The following BRD3OS variants were observed in gnomAD, a reference collection of about 807,000 sequenced individuals.
BRD3OS encodes the protein BRD3 opposite strand.
chr9:134,029,230 C>A lies in BRD3OS; in HGVS notation c.*2228C>A, dbSNP rs1263292521. On this transcript the variant is annotated 3_prime_UTR_variant, in exon 3 of 3. Coordinates refer to ENST00000603928, the MANE Select transcript of BRD3OS (RefSeq NM_001355256.2). ...TGCCACCTTCTCACCGCACCACAGA[C>A]TCCCCTGAGGACGGGTTGTGGCGGG... The A allele has an allele frequency of 6.6e-6, 1 of 152,324 alleles. No homozygotes were observed. The highest frequency in any genetic ancestry group is 1.5e-5 in the Non-Finnish European group (1 of 68,086). 9.4% of individuals were successfully genotyped at this position (152,324 alleles called of 1,614,324 possible).
At position 134,026,738 on chromosome 9, in the gene BRD3OS, G is replaced by A. The variant is rs762270722; in HGVS notation, c.-10G>A. 1.8e-5 allele frequency: 7 copies of A among 398,660 alleles called. No individual in the cohort carries two copies. The highest frequency in any genetic ancestry group is 3.1e-5 in the Non-Finnish European group (7 of 226,084). The allele number at this position is 398,660 out of a possible 1,614,324, so 24.7% of individuals were successfully genotyped here. On this transcript the variant is annotated 5_prime_UTR_variant, in exon 3 of 3. Coordinates refer to ENST00000603928, the MANE Select transcript of BRD3OS (RefSeq NM_001355256.2). The surrounding 1 kb of genome is among the most constrained non-coding windows in gnomAD (Gnocchi z 4.4). ...AGGGTTCCCAGGAGTCCAGCGGGAC[G>A]GGGGAGGGGATGAGTGGCCGTGTCC...
chr9:134,031,362 G>A lies in BRD3OS; in HGVS notation c.*4360G>A, dbSNP rs1374902239. The A allele has an allele frequency of 1.9e-5, 4 of 208,384 alleles. 1 individual carries two copies. The South Asian group carries it at 7.6e-4, about 39-fold the overall frequency. The allele number at this position is 208,384 out of a possible 1,614,324, so 12.9% of individuals were successfully genotyped here. On this transcript the variant is annotated 3_prime_UTR_variant, in exon 3 of 3. Transcript: ENST00000603928. ...CAGCCCCAGGCACCCCCGGCTTAGG[G>A]TGTACGTATCACCCAGCCCTGTGCT...
chr9:134,025,694 C>A lies in BRD3OS; in HGVS notation c.-786-151C>A, dbSNP rs952826471. 3.3e-5 allele frequency among the ~76,000 whole-genome samples: 5 copies of A among 152,122 alleles called. No homozygotes were observed. In the East Asian group the frequency reaches 9.6e-4, roughly 29 times the overall value. ...AGGGTGCGCGCAGGTGGCGGGGACGCGCGATGGGGGCCCGGGAAGCTGAGG... is the reference window on the plus strand; with the variant it reads ...AGGGTGCGCGCAGGTGGCGGGGACGAGCGATGGGGGCCCGGGAAGCTGAGG... On this transcript the variant is annotated intron_variant, in intron 1 of 2. Transcript: ENST00000603928.
At position 134,031,541 on chromosome 9, in the gene BRD3OS, ATATTTT is replaced by A. The variant is rs1843512473; in HGVS notation, c.*4544_*4549del. The A allele has an allele frequency of 4.9e-6, 1 of 202,392 alleles. No individual in the cohort carries two copies. The highest frequency in any genetic ancestry group is 1.0e-5 in the Non-Finnish European group (1 of 98,654). The allele number at this position is 202,392 out of a possible 1,614,324, so 12.5% of individuals were successfully genotyped here. The stretch of plus-strand genomic sequence containing the variant: ...AAAATGGAAACTTTCAAATCCATTT[ATATTTT>A]TATTATAAACAAAACTTAATTAAAA... On this transcript the variant is annotated 3_prime_UTR_variant, in exon 3 of 3. Transcript: ENST00000603928.
Position 134,031,118 on chromosome 9 carries a change from G to A in BRD3OS, c.*4116G>A, listed in dbSNP as rs540498332. On this transcript the variant is annotated 3_prime_UTR_variant, in exon 3 of 3. Transcript: ENST00000603928. ...AAAAAGTGACAGCACCAATGCAGCT[G>A]CTCAGTGTACCCGCCGTGGGCTGTC... 3.6e-4 allele frequency: 83 copies of A among 228,948 alleles called. No individual in the cohort carries two copies. Among genetic ancestry groups the A allele is most frequent in the African/African-American group, 1.7e-3 (76 of 45,188 alleles). 14.2% of individuals were successfully genotyped at this position (228,948 alleles called of 1,614,324 possible).
In BRD3OS at chr9:134,031,284, C is replaced by T. The variant is rs767637192; in HGVS notation, c.*4282C>T. 1.9e-5 allele frequency: 4 copies of T among 209,410 alleles called. No homozygotes were observed. In the East Asian group the frequency reaches 2.8e-4, roughly 15 times the overall value. 13.0% of individuals were successfully genotyped at this position (209,410 alleles called of 1,614,324 possible). On this transcript the variant is annotated 3_prime_UTR_variant, in exon 3 of 3. Transcript: ENST00000603928. ...CCGGCCGCTCCCCCGACGGCTCACA[C>T]AGGCAGCACCTCACTGCCCTGTGGC...
rs1404673384 is a variant in BRD3OS at position 134,030,751 on chromosome 9, A to C, written c.*3749A>C. 2 of 232,024 alleles carry C rather than the reference A, an allele frequency of 8.6e-6. No homozygotes were observed. Among genetic ancestry groups the C allele is most frequent in the Non-Finnish European group, 1.7e-5 (2 of 117,368 alleles). The allele number at this position is 232,024 out of a possible 1,614,324, so 14.4% of individuals were successfully genotyped here. ...AAACACACAAAAAAATGTGTCTTAC[A>C]GTTTGTAAGCAAGATGACACTGCCC... is the stretch of plus-strand genomic sequence containing the variant. On this transcript the variant is annotated 3_prime_UTR_variant, in exon 3 of 3. Transcript: ENST00000603928.
rs1843499033 is a variant in BRD3OS at position 134,030,698 on chromosome 9, AG to A, written c.*3697del. ...TTCCCAAAAGACTGTCAGAGGCGTG[AG>A]TGCTGCAAAAGAACAACAACAAAAA... On this transcript the variant is annotated 3_prime_UTR_variant, in exon 3 of 3. Transcript: ENST00000603928. 1 of 231,202 alleles carries A rather than the reference AG, an allele frequency of 4.3e-6. No individual in the cohort carries two copies. Among genetic ancestry groups the A allele is most frequent in the Non-Finnish European group, 8.6e-6 (1 of 116,724 alleles). 14.3% of individuals were successfully genotyped at this position (231,202 alleles called of 1,614,324 possible).
chr9:134,030,598 C>T lies in BRD3OS; in HGVS notation c.*3596C>T, dbSNP rs995989498. On this transcript the variant is annotated 3_prime_UTR_variant, in exon 3 of 3. Coordinates refer to ENST00000603928, the MANE Select transcript of BRD3OS (RefSeq NM_001355256.2). ...TTTTAAATATAAAAAAGAAAAACTT[C>T]CTGGAAGCATTATGCCAGTATTAAG... 14 of 224,040 alleles carry T rather than the reference C, an allele frequency of 6.2e-5. No individual in the cohort carries two copies. Among genetic ancestry groups the T allele is most frequent in the Non-Finnish European group, 1.1e-4 (12 of 112,442 alleles). 13.9% of individuals were successfully genotyped at this position (224,040 alleles called of 1,614,324 possible).
rs2132359480 is a variant in BRD3OS at position 134,028,387 on chromosome 9, C to G, written c.*1385C>G. Reference sequence around the variant, plus strand: ...CTCAACTGTACAGACTGGGCATTCACTTAATGCTTTTCTTTTTTTTTAAGA... The same window carrying G: ...CTCAACTGTACAGACTGGGCATTCAGTTAATGCTTTTCTTTTTTTTTAAGA... On this transcript the variant is annotated 3_prime_UTR_variant, in exon 3 of 3. Transcript: ENST00000603928. 1 of 152,328 alleles carries G rather than the reference C, an allele frequency of 6.6e-6. No homozygotes were observed. Among genetic ancestry groups the G allele is most frequent in the Non-Finnish European group, 1.5e-5 (1 of 68,068 alleles). The allele number at this position is 152,328 out of a possible 1,614,324, so 9.4% of individuals were successfully genotyped here. A position where few individuals can be genotyped will look rare whatever the true frequency, so the allele number is the denominator to read the frequency against.
At position 134,025,499 on chromosome 9, in the gene BRD3OS, C is replaced by G. The variant is rs1285310352; in HGVS notation, c.-824C>G. On this transcript the variant is annotated 5_prime_UTR_variant, in exon 1 of 3. Coordinates refer to ENST00000603928, the MANE Select transcript of BRD3OS (RefSeq NM_001355256.2). ...CCGCCCTGGGAGCCCCGCAGTGCGT[C>G]GCGCCGCTGCCCGCATCTCCGAGGC... The G allele has an allele frequency of 6.6e-6, 1 of 151,216 alleles. No individual in the cohort carries two copies. The highest frequency in any genetic ancestry group is 1.5e-5 in the Non-Finnish European group (1 of 67,994). 9.4% of individuals were successfully genotyped at this position (151,216 alleles called of 1,614,324 possible). A position where few individuals can be genotyped will look rare whatever the true frequency, so the allele number is the denominator to read the frequency against.
rs771521913 is a variant in BRD3OS, at chr9:134,028,406, T to C, written c.*1404T>C. 1 of 152,242 alleles carries C rather than the reference T, an allele frequency of 6.6e-6. No homozygotes were observed. The highest frequency in any genetic ancestry group is 1.5e-5 in the Non-Finnish European group (1 of 68,066). 9.4% of individuals were successfully genotyped at this position (152,242 alleles called of 1,614,324 possible). ...CATTCACTTAATGCTTTTCTTTTTT[T>C]TTAAGAGAGTCTCACTCTGTTGCCC... On this transcript the variant is annotated 3_prime_UTR_variant, in exon 3 of 3. Transcript: ENST00000603928.
chr9:134,025,754 C>T (rs378740), intron 1 of BRD3OS, 91 bp from the exon 2 acceptor site: 1 of 152,108 alleles, frequency 6.6e-6, no homozygotes, highest in Non-Finnish European at 1.5e-5. Flanking sequence ...AGGGGAGGTC[C>T]CTGACGCTGC....
chr9:134,030,299 A>AG lies in BRD3OS; in HGVS notation c.*3297_*3298insG, dbSNP rs1554826618. On this transcript the variant is annotated 3_prime_UTR_variant, in exon 3 of 3. Transcript: ENST00000603928. ...GCACAGGAAAATGCAAAAAAAAAAA[A>AG]CAGTCTTTTTTTTTTTTTTTTTTTT... The AG allele has an allele frequency of 2.9e-5, 4 of 138,874 alleles. No homozygotes were observed. The highest frequency in any genetic ancestry group is 5.9e-5 in the Non-Finnish European group (4 of 68,060). The allele number at this position is 138,874 out of a possible 1,614,324, so 8.6% of individuals were successfully genotyped here.
Position 134,030,677 on chromosome 9 carries a change from C to CA in BRD3OS, c.*3679dup. On this transcript the variant is annotated 3_prime_UTR_variant, in exon 3 of 3. Transcript: ENST00000603928. ...TCTGTATGTGGGTGTTACTCTTTCC[C>CA]AAAAGACTGTCAGAGGCGTGAGTGC... The CA allele has an allele frequency of 4.3e-6, 1 of 230,104 alleles. No homozygotes were observed. The highest frequency in any genetic ancestry group is 8.6e-6 in the Non-Finnish European group (1 of 116,078). 14.3% of individuals were successfully genotyped at this position (230,104 alleles called of 1,614,324 possible).
rs1488131461 is a variant in BRD3OS at position 134,031,111 on chromosome 9, T to C, written c.*4109T>C. On this transcript the variant is annotated 3_prime_UTR_variant, in exon 3 of 3. Transcript: ENST00000603928. ...AGCCTTAAAAAAGTGACAGCACCAA[T>C]GCAGCTGCTCAGTGTACCCGCCGTG... is the stretch of plus-strand genomic sequence containing the variant. The C allele has an allele frequency of 2.6e-5, 6 of 229,256 alleles. No homozygotes were observed. Among genetic ancestry groups the C allele is most frequent in the Admixed American group, 1.1e-4 (2 of 17,662 alleles). 14.2% of individuals were successfully genotyped at this position (229,256 alleles called of 1,614,324 possible). A position where few individuals can be genotyped will look rare whatever the true frequency, so the allele number is the denominator to read the frequency against.
In BRD3OS at chr9:134,030,890, C is replaced by G. The variant is rs570684833; in HGVS notation, c.*3888C>G. 1.3e-5 allele frequency: 3 copies of G among 232,090 alleles called. No individual in the cohort carries two copies. In the East Asian group the frequency reaches 1.8e-4, roughly 14 times the overall value. The allele number at this position is 232,090 out of a possible 1,614,324, so 14.4% of individuals were successfully genotyped here. A position where few individuals can be genotyped will look rare whatever the true frequency, so the allele number is the denominator to read the frequency against. ...TCCGACACACGACTTGTCACTACTCCTCTCCCCTTGAAAAAAGCATGTTAG... is the reference window on the plus strand; with the variant it reads ...TCCGACACACGACTTGTCACTACTCGTCTCCCCTTGAAAAAAGCATGTTAG... On this transcript the variant is annotated 3_prime_UTR_variant, in exon 3 of 3. Coordinates refer to ENST00000603928, the MANE Select transcript of BRD3OS (RefSeq NM_001355256.2).
rs867473092 is a variant in BRD3OS, at chr9:134,031,468, A to G, written c.*4466A>G. On this transcript the variant is annotated 3_prime_UTR_variant, in exon 3 of 3. Transcript: ENST00000603928. ...TCCTTAAATTCGGTTTAAATAGTCCATTAAAGATCTGTTTAGAAAATACCT... is the reference window on the plus strand; with the variant it reads ...TCCTTAAATTCGGTTTAAATAGTCCGTTAAAGATCTGTTTAGAAAATACCT... The G allele has an allele frequency of 4.4e-5, 9 of 202,494 alleles. No individual in the cohort carries two copies. The highest frequency in any genetic ancestry group is 1.6e-3 in the Middle Eastern group (1 of 634). The allele number at this position is 202,494 out of a possible 1,614,324, so 12.5% of individuals were successfully genotyped here.
Sources: gnomAD v4.1 joint callset for allele counts (sites outside exome capture counted in the v4.1 genomes callset) on GRCh38, gnomAD v4.1.1 for gene constraint, Gnocchi (gnomAD v3.1) non-coding constraint, MANE v1.5 for transcripts, NCBI Gene and HGNC (gene_info 2026-07-23, HGNC 2026-07-21) for gene names.